The following COMMD5 variants were observed in gnomAD, a reference collection of about 807,000 sequenced individuals.
COMMD5 encodes the protein COMM domain containing 5.
A neutral mutation model predicts 6.9 loss-of-function variants in COMMD5; 10 were observed. That is an observed-to-expected ratio of 1.44 (90% confidence interval 0.89 to 2.45). The LOEUF is 2.45. Ranked by LOEUF, COMMD5 falls within the 30% of genes most tolerant of loss-of-function variation. The pLI is 0.00. For synonymous variants in COMMD5, 127 were observed against 125.3 expected (o/e 1.01, Z -0.09); for missense variants, 234 against 287.8 (o/e 0.81, Z 1.35).
chr8:144,840,606 A>T (rs1455008083), downstream of COMMD5, among the ~76,000 whole-genome samples: 1 of 152,200 alleles, frequency 6.6e-6, no homozygotes, highest in Non-Finnish European at 1.5e-5. Context: ...GTTACAGAGT[A>T]GGACAGAAGC....
rs1241244258 is a variant in COMMD5, at chr8:144,850,555, C to T, written c.*109G>A. The T allele has an allele frequency of 1.2e-5, 14 of 1,159,226 alleles. No individual in the cohort carries two copies. Among genetic ancestry groups the T allele is most frequent in the Non-Finnish European group, 1.6e-5 (13 of 826,240 alleles). The allele number at this position is 1,159,226 out of a possible 1,614,324, so 71.8% of individuals were successfully genotyped here. The stretch of plus-strand genomic sequence containing the variant: ...TTACGTTCAAACACTCACTGAAGAG[C>T]CTGCCTCATGGGAAGGGCAGGGCTG... On this transcript the variant is annotated 3_prime_UTR_variant, in exon 2 of 2. Coordinates refer to ENST00000305103, the MANE Select transcript of COMMD5 (RefSeq NM_014066.4). This position sits in a 1 kb window ranked among gnomAD's most constrained non-coding sequence, Gnocchi z 4.0.
chr8:144,853,308 C>A (rs1830838662), upstream of COMMD5: 2 of 152,256 alleles, frequency 1.3e-5, no homozygotes. Context: ...CCCTCCCCGC[C>A]CGCGCAGAGT....
chr8:144,840,224 C>G (rs1829699107), downstream of COMMD5, among the ~76,000 whole-genome samples: 1 of 152,216 alleles, frequency 6.6e-6, no homozygotes, highest in African/African-American at 2.4e-5. Flanking sequence ...AGGACCAGGC[C>G]TGGAGATGCC....
intron 1 of COMMD5, chr8:144,843,228 T>C: frequency 1.3e-6 from 2 of 1,487,626 alleles, no homozygotes; most frequent in East Asian, 2.3e-5. Flanking sequence ...CTTACTTATT[T>C]TATATGGAAT....
At chr8:144,844,732 A>C (rs897326066) in intron 1 of COMMD5, among the ~76,000 whole-genome samples, 94 of 135,332 alleles carry the variant, frequency 6.9e-4, no homozygotes, top group African/African-American at 2.4e-3. Flanking sequence ...AAAAAAAAAA[A>C]AAAACGAAAA....
chr8:144,843,534 G>A (rs1281408344), intron 1 of COMMD5: 2 of 156,054 alleles, frequency 1.3e-5, no homozygotes, highest in South Asian at 2.0e-4. Flanking sequence ...CTTGCAGTGA[G>A]CTGAGATCGC....
chr8:144,850,665 C>G lies in COMMD5; in HGVS notation c.674G>C (p.Ter225SerextTer4), dbSNP rs776936948. Residue 225 changes from the stop codon to serine (S), a stop_lost, in exon 2 of 2, where the codon TGA (stop) becomes TCA (serine). Coordinates refer to ENST00000305103, the MANE Select transcript of COMMD5 (RefSeq NM_014066.4). This position sits in a 1 kb window ranked among gnomAD's most constrained non-coding sequence, Gnocchi z 4.0. ...GAATGGGACTGGTCAAGTGAGGGGT[C>G]AGTCCTGCAGTCTGCGCTCACACCT... Reference protein sequence around the residue: ...EKRCERRLQD* With the variant: ...EKRCERRLQDS 8.1e-6 allele frequency: 13 copies of G among 1,610,498 alleles called. No individual in the cohort carries two copies. Among genetic ancestry groups the G allele is most frequent in the Non-Finnish European group, 1.0e-5 (12 of 1,178,080 alleles).
chr8:144,842,971 G>C (rs1219525797), intron 1 of COMMD5: 1 of 1,614,188 alleles, frequency 6.2e-7, no homozygotes, highest in Non-Finnish European at 8.5e-7. Context: ...GTCCACCTTT[G>C]TGAGCCGTAA....
chr8:144,845,922 C>T (rs938312954), downstream of COMMD5: 6 of 1,505,752 alleles, frequency 4.0e-6, no homozygotes, highest in Non-Finnish European at 5.3e-6. Context: ...TGTGCTTAGC[C>T]AGGTGGTCAC....
intron 1 of COMMD5, chr8:144,842,565 G>A (rs564102152): frequency 1.9e-6 from 3 of 1,614,122 alleles, no homozygotes; most frequent in South Asian, 2.2e-5. Context: ...ACCTTATTCA[G>A]CATCAGCGAA....
At chr8:144,848,992 C>T (rs1469840871), downstream of COMMD5, among the ~76,000 whole-genome samples, 1 of 152,194 alleles carries the variant, frequency 6.6e-6, no homozygotes, top group African/African-American at 2.4e-5. Context: ...GAGGCAAACA[C>T]AGATTCCCAA....
chr8:144,844,396 G>C (rs186825813), intron 1 of COMMD5, among the ~76,000 whole-genome samples: 1 of 152,200 alleles, frequency 6.6e-6, no homozygotes, highest in East Asian at 1.9e-4. Flanking sequence ...CGGTGAGGAG[G>C]AAATAAAGAC....
At chr8:144,841,505 A>T (rs1273386534) in exon 2 of COMMD5, 2 of 1,614,214 alleles carry the variant, frequency 1.2e-6, no homozygotes, top group Admixed American at 3.3e-5. Flanking sequence ...GTCTGGTTAG[A>T]CAGTCATCTG....
At chr8:144,851,499 T>C (rs1830743976) in intron 1 of COMMD5, 104 bp from the exon 2 acceptor site, 2 of 778,430 alleles carry the variant, frequency 2.6e-6, no homozygotes, top group Non-Finnish European at 4.1e-6. Flanking sequence ...CAGTGTGAAC[T>C]ACCAATGACA....
intron 1 of COMMD5, among the ~76,000 whole-genome samples, chr8:144,844,537 C>T (rs1375707139): frequency 2.6e-5 from 4 of 151,104 alleles, no homozygotes; most frequent in East Asian, 1.9e-4. Flanking sequence ...AGTGAAACCC[C>T]GTGTCTACTA....
chr8:144,843,239 C>T (rs754640184), intron 1 of COMMD5: 159 of 1,456,048 alleles, frequency 1.1e-4, no homozygotes, highest in African/African-American at 1.6e-4. Flanking sequence ...TATATGGAAT[C>T]GTTTATACTG....
intron 1 of COMMD5, chr8:144,841,829 C>G: frequency 6.2e-7 from 1 of 1,614,160 alleles, no homozygotes. Context: ...GGGAAACATA[C>G]AAATAACTGC....
downstream of COMMD5, among the ~76,000 whole-genome samples, chr8:144,839,986 G>T (rs1829659332): frequency 6.6e-6 from 1 of 152,206 alleles, no homozygotes; most frequent in South Asian, 2.1e-4. Flanking sequence ...CCAGGCTGGA[G>T]TGCAGTGGCA....
chr8:144,840,697 G>A (rs191995235), downstream of COMMD5, among the ~76,000 whole-genome samples: 6 of 152,252 alleles, frequency 3.9e-5, no homozygotes, highest in African/African-American at 1.4e-4. Context: ...GCAGCCCCAG[G>A]GAAGAAGTCA....
Sources: allele counts gnomAD v4.1 joint callset (sites outside exome capture counted in the v4.1 genomes callset), GRCh38; gene constraint gnomAD v4.1.1; non-coding constraint Gnocchi (gnomAD v3.1); transcripts MANE v1.5; gene names NCBI Gene and HGNC (gene_info 2026-07-23, HGNC 2026-07-21).